The following DLGAP2 variants were observed in gnomAD, a reference collection of about 807,000 sequenced individuals.
The protein encoded by DLGAP2 is DLG associated protein 2, also known as disks large-associated protein 2.
A neutral mutation model predicts 100.3 loss-of-function variants in DLGAP2; 26 were observed. The observed-to-expected ratio is 0.26, with a 90% confidence interval of 0.19 to 0.36. The LOEUF is 0.36. DLGAP2 is among the 10% of genes least tolerant of loss of function. The pLI is 1.00. For missense variants in DLGAP2, 1,858 were observed against 1,453.2 expected, an observed-to-expected ratio of 1.28 and a Z score of -4.53; for synonymous variants, 886 against 630.1, an observed-to-expected ratio of 1.41 and a Z score of -6.08.
intron 4 of DLGAP2, among the ~76,000 whole-genome samples, chr8:1,507,332 G>A (rs994271471): frequency 1.3e-5 from 2 of 152,106 alleles, no homozygotes; most frequent in African/African-American, 4.8e-5. Context: ...GGGAGATTTG[G>A]CGTGCAGCGC....
intron 3 of DLGAP2, among the ~76,000 whole-genome samples, chr8:1,271,576 A>G (rs947053154): frequency 6.6e-6 from 1 of 152,212 alleles, no homozygotes; most frequent in Admixed American, 6.5e-5. Flanking sequence ...AGTAGTTGCA[A>G]TAAAGAGTTG....
At chr8:1,306,090 AAAGAG>A (rs1800484135) in intron 3 of DLGAP2, among the ~76,000 whole-genome samples, 3 of 133,128 alleles carry the variant, frequency 2.3e-5, no homozygotes, top group South Asian at 4.5e-4. Context: ...AAAAAAAAAA[AAAGAG>A]AGAGGGAGAA....
At chr8:845,332 T>A (rs1797053814) in intron 1 of DLGAP2, among the ~76,000 whole-genome samples, 1 of 152,186 alleles carries the variant, frequency 6.6e-6, no homozygotes, top group Non-Finnish European at 1.5e-5. Context: ...ATTCTATCCA[T>A]CCTAAGTGGT....
intron 8 of DLGAP2, among the ~76,000 whole-genome samples, chr8:1,659,415 T>C (rs11777242): frequency 0.23 from 34,811 of 152,092 alleles, 4,437 homozygotes; most frequent in East Asian, 0.47. Context: ...TTCTGTCTCA[T>C]TGATCTGTCT....
At chr8:1,445,434 G>A (rs1797959470) in intron 3 of DLGAP2, among the ~76,000 whole-genome samples, 1 of 151,442 alleles carries the variant, frequency 6.6e-6, no homozygotes, top group Non-Finnish European at 1.5e-5. Flanking sequence ...ATTTTTTATG[G>A]CTGCATAGTA....
chr8:1,127,688 G>T (rs13259992), intron 2 of DLGAP2, among the ~76,000 whole-genome samples: 140,023 of 152,268 alleles, frequency 0.92, 64,470 homozygotes, highest in Middle Eastern at 0.95. Flanking sequence ...AGAGATGAGA[G>T]TGTTCCGGCA....
At chr8:1,093,925 G>A (rs1804278665) in intron 2 of DLGAP2, among the ~76,000 whole-genome samples, 2 of 152,076 alleles carry the variant, frequency 1.3e-5, no homozygotes, top group South Asian at 4.1e-4. Context: ...CGGGGCTGAA[G>A]TCCATGCCTC....
chr8:1,490,964 T>G (rs866056387), intron 3 of DLGAP2, among the ~76,000 whole-genome samples: 16 of 149,742 alleles, frequency 1.1e-4, no homozygotes, highest in African/African-American at 3.9e-4. Context: ...ACATGGCACA[T>G]GTATACATAT....
intron 6 of DLGAP2, among the ~76,000 whole-genome samples, chr8:1,592,413 G>A (rs1343970246): frequency 6.6e-6 from 1 of 151,842 alleles, no homozygotes; most frequent in Non-Finnish European, 1.5e-5. Context: ...TGGCCCCCTT[G>A]ACTTTACCCC....
At chr8:1,672,205 T>G (rs1563054444) in intron 10 of DLGAP2, among the ~76,000 whole-genome samples, 1 of 150,614 alleles carries the variant, frequency 6.6e-6, no homozygotes, top group Non-Finnish European at 1.5e-5. Flanking sequence ...GATCAGTTTT[T>G]TTGTTGTTGT....
chr8:772,811 T>C, intron 1 of DLGAP2, among the ~76,000 whole-genome samples: 1 of 152,206 alleles, frequency 6.6e-6, no homozygotes, highest in East Asian at 1.9e-4. Context: ...TGGAATTAAG[T>C]GCTCTGCAAA....
chr8:1,575,342 A>G (rs958782099), intron 6 of DLGAP2, among the ~76,000 whole-genome samples: 5 of 152,056 alleles, frequency 3.3e-5, no homozygotes, highest in African/African-American at 9.7e-5. Context: ...AGGACCTAAA[A>G]CAATGGAACT....
At chr8:799,545 T>C (rs181594949) in intron 1 of DLGAP2, among the ~76,000 whole-genome samples, 237 of 152,314 alleles carry the variant, frequency 1.6e-3, no homozygotes, top group African/African-American at 5.6e-3. Context: ...ATTATGACAA[T>C]GCATATTCTG....
At position 1,569,295 on chromosome 8, in the gene DLGAP2, G is replaced by A. The variant is rs529798727; in HGVS notation, c.1442+3401G>A. ...CCATTGATGAGTCCAACAAATGTCA[G>A]GCATTCTGCCAAACTCGATTTATAC... On this transcript the variant is annotated intron_variant, in intron 6 of 14. Transcript: ENST00000637795. Among the ~76,000 whole-genome samples the A allele has an allele frequency of 6.5e-4, 99 of 152,352 alleles. 1 individual carries two copies. The South Asian group carries it at 0.017, about 26-fold the overall frequency.
intron 6 of DLGAP2, among the ~76,000 whole-genome samples, chr8:1,589,560 C>T (rs577662577): frequency 5.6e-4 from 85 of 152,298 alleles, no homozygotes; most frequent in African/African-American, 1.9e-3. Context: ...GCAGCCTCCC[C>T]AGTATCTGGG....
At chr8:1,343,742 A>C (rs1801474458) in intron 3 of DLGAP2, among the ~76,000 whole-genome samples, 1 of 151,854 alleles carries the variant, frequency 6.6e-6, no homozygotes, top group South Asian at 2.1e-4. Flanking sequence ...TGTGCACGAC[A>C]GTGGAACGGA....
At position 1,356,939 on chromosome 8, in the gene DLGAP2, G is replaced by A. The variant is rs765302852; in HGVS notation, c.106+98056G>A. 3.3e-5 allele frequency among the ~76,000 whole-genome samples: 5 copies of A among 152,248 alleles called. No individual in the cohort carries two copies. The South Asian group carries it at 6.2e-4, about 19-fold the overall frequency. The stretch of plus-strand genomic sequence containing the variant: ...CCGTGTCTACAGCGCACGTTCATTC[G>A]GCAAACCCGCGAGCAGCTGCGAGGG... On this transcript the variant is annotated intron_variant, in intron 3 of 14. Transcript: ENST00000637795.
chr8:1,065,527 T>TACAA (rs1291052568), intron 2 of DLGAP2, among the ~76,000 whole-genome samples: 1 of 152,152 alleles, frequency 6.6e-6, no homozygotes, highest in Non-Finnish European at 1.5e-5. Flanking sequence ...GGTTGGGGAG[T>TACAA]ACAACATCCT....
intron 10 of DLGAP2, 51 bp from the exon 11 acceptor site, chr8:1,676,482 G>A: frequency 1.3e-6 from 2 of 1,560,688 alleles, no homozygotes; most frequent in South Asian, 1.2e-5. Context: ...ATAGTCCCTT[G>A]CCCAGGCCCC....
Sources: allele counts gnomAD v4.1 joint callset (sites outside exome capture counted in the v4.1 genomes callset), GRCh38; gene constraint gnomAD v4.1.1; transcripts MANE v1.5; gene names NCBI Gene and HGNC (gene_info 2026-07-23, HGNC 2026-07-21).